The following CUL5 variants were observed in gnomAD, a reference collection of about 807,000 sequenced individuals.
CUL5 encodes the protein cullin-5.
Under a neutral mutation model 108.8 loss-of-function variants are expected in CUL5, and 26 were observed. That is an observed-to-expected ratio of 0.24 (90% CI 0.18 to 0.33). CUL5 has a LOEUF of 0.33. CUL5 is among the 10% of genes least tolerant of loss of function. The probability of loss-of-function intolerance (pLI) is 1.00; values close to 1 mark genes in which losing one functional copy is unlikely to be tolerated. For synonymous variants in CUL5, 334 were observed against 298.0 expected (o/e 1.12, Z -1.25); for missense variants, 524 against 909.2 (o/e 0.58, Z 5.45).
chr11:108,020,088 A>G (rs1862291945), intron 1 of CUL5, among the ~76,000 whole-genome samples: 1 of 152,174 alleles, frequency 6.6e-6, no homozygotes, highest in South Asian at 2.1e-4. Flanking sequence ...CCATGACCCA[A>G]CACTTTTCAT....
intron 15 of CUL5, 122 bp downstream of exon 15, chr11:108,095,109 T>C (rs1864457297): frequency 1.3e-6 from 1 of 794,914 alleles, no homozygotes; most frequent in East Asian, 2.7e-5. Flanking sequence ...TGAGCAGAAA[T>C]AGTGAATTTT....
rs1299231216 is a variant in CUL5 at position 108,073,383 on chromosome 11, T to C, written c.1006-7T>C. ...TAAAAACTTAATGTAAAACCTTTTG[T>C]TTCTAGGACTCTGAGAAATACGTTG... On this transcript the variant is annotated splice_polypyrimidine_tract_variant and splice_region_variant and intron_variant, in intron 9 of 18. Transcript: ENST00000393094. 2.9e-6 allele frequency: 4 copies of C among 1,373,906 alleles called. No homozygotes were observed. Among genetic ancestry groups the C allele is most frequent in the Non-Finnish European group, 3.0e-6 (3 of 984,590 alleles). The allele number at this position is 1,373,906 out of a possible 1,614,324, so 85.1% of individuals were successfully genotyped here.
At chr11:108,082,463 GAC>G (rs1864113413) in intron 11 of CUL5, among the ~76,000 whole-genome samples, 1 of 151,976 alleles carries the variant, frequency 6.6e-6, no homozygotes, top group Admixed American at 6.6e-5. Flanking sequence ...TTTTTGTAGA[GAC>G]AGTCTCTCAC....
At chr11:108,094,669 A>G in intron 14 of CUL5, 143 bp from the exon 15 acceptor site, 1 of 818,480 alleles carries the variant, frequency 1.2e-6, no homozygotes, top group Non-Finnish European at 1.8e-6. Flanking sequence ...TGTTAGATTT[A>G]CAGATCTTTA....
At chr11:108,055,821 G>C (rs1863363407) in intron 7 of CUL5, among the ~76,000 whole-genome samples, 1 of 152,040 alleles carries the variant, frequency 6.6e-6, no homozygotes, top group Non-Finnish European at 1.5e-5. Flanking sequence ...AGTAGAGATG[G>C]GGTTTCACCT....
At chr11:108,025,560 C>T (rs1286565727) in intron 1 of CUL5, among the ~76,000 whole-genome samples, 1 of 152,172 alleles carries the variant, frequency 6.6e-6, no homozygotes, top group Non-Finnish European at 1.5e-5. Context: ...TTTCTGTGGA[C>T]TCTACCCAAT....
intron 1 of CUL5, among the ~76,000 whole-genome samples, chr11:108,024,075 G>T (rs1427552796): frequency 6.6e-6 from 1 of 152,192 alleles, no homozygotes; most frequent in Non-Finnish European, 1.5e-5. Context: ...GCCAAGGGCT[G>T]GATCTGGCCC....
chr11:108,029,216 C>T (rs1420777883), intron 1 of CUL5, among the ~76,000 whole-genome samples: 3 of 150,224 alleles, frequency 2.0e-5, no homozygotes, highest in Non-Finnish European at 4.4e-5. Context: ...ATACCTTTTT[C>T]CAGGTATTCC....
intron 18 of CUL5, 151 bp from the exon 19 acceptor site, chr11:108,104,039 A>C: frequency 1.8e-6 from 1 of 546,802 alleles, no homozygotes; most frequent in Non-Finnish European, 3.2e-6. Flanking sequence ...AGTAAAAGAT[A>C]CTAGTCTCAA....
intron 1 of CUL5, among the ~76,000 whole-genome samples, chr11:108,025,613 CACTA>C (rs1217859857): frequency 1.3e-5 from 2 of 152,218 alleles, no homozygotes; most frequent in African/African-American, 4.8e-5. Flanking sequence ...CTGGTAGCAA[CACTA>C]ACTGTTTCTG....
intron 1 of CUL5, among the ~76,000 whole-genome samples, chr11:108,012,189 GATT>G (rs1331495744): frequency 6.6e-6 from 1 of 152,090 alleles, no homozygotes; most frequent in Non-Finnish European, 1.5e-5. Flanking sequence ...TTCTGTTTTA[GATT>G]ACTTTGAACA....
Position 108,094,383 on chromosome 11 carries a change from A to G in CUL5, c.1444-8A>G. On this transcript the variant is annotated splice_polypyrimidine_tract_variant and splice_region_variant and intron_variant, in intron 13 of 18. Transcript: ENST00000393094. The stretch of plus-strand genomic sequence containing the variant: ...ATTACCTCTTCCTTCTTTGGTTTAT[A>G]TTTATAGGAAGTTGGTATGCCAGCG... The G allele has an allele frequency of 1.3e-6, 2 of 1,570,148 alleles. No homozygotes were observed. Among genetic ancestry groups the G allele is most frequent in the Non-Finnish European group, 1.7e-6 (2 of 1,160,920 alleles).
intron 11 of CUL5, among the ~76,000 whole-genome samples, chr11:108,080,433 A>T (rs547773559): frequency 6.6e-5 from 10 of 151,372 alleles, no homozygotes; most frequent in African/African-American, 2.4e-4. Context: ...GCCTTGCTCT[A>T]TCTCCAGGCT....
At chr11:108,041,026 G>A (rs897907887) in intron 2 of CUL5, among the ~76,000 whole-genome samples, 1 of 152,108 alleles carries the variant, frequency 6.6e-6, no homozygotes, top group Non-Finnish European at 1.5e-5. Context: ...TTTGAGTACG[G>A]CAGGGTTACA....
At chr11:108,090,183 C>T (rs1261398350) in intron 13 of CUL5, among the ~76,000 whole-genome samples, 2 of 151,896 alleles carry the variant, frequency 1.3e-5, no homozygotes, top group African/African-American at 4.8e-5. Flanking sequence ...TTTAAACTGA[C>T]CTTATTAATA....
At chr11:108,048,648 C>CTTTTTTTTTTTTTTTTTTTTTTTTTTTTT (rs200991204) in intron 3 of CUL5, among the ~76,000 whole-genome samples, 15 of 116,862 alleles carry the variant, frequency 1.3e-4, no homozygotes, top group South Asian at 2.7e-4. Flanking sequence ...ACTCCACCAC[C>CTTTTTTTTTTTTTTTTTTTTTTTTTTTTT]TTTTTTTTTT....
At chr11:108,098,560 TA>T in intron 18 of CUL5, 31 bp downstream of exon 18, 2 of 1,421,900 alleles carry the variant, frequency 1.4e-6, no homozygotes, top group Non-Finnish European at 1.8e-6. Flanking sequence ...GTCTGAAGTT[TA>T]AAAAAACTTT....
intron 13 of CUL5, among the ~76,000 whole-genome samples, chr11:108,093,111 T>C (rs1230703709): frequency 6.6e-6 from 1 of 152,166 alleles, no homozygotes; most frequent in Non-Finnish European, 1.5e-5. Flanking sequence ...CCCAGCCAAA[T>C]TGTATACTTT....
At chr11:108,103,184 A>G (rs1378275370) in intron 18 of CUL5, among the ~76,000 whole-genome samples, 1 of 152,252 alleles carries the variant, frequency 6.6e-6, no homozygotes, top group Non-Finnish European at 1.5e-5. Context: ...GATAACTCTT[A>G]TTGTAAACTT....
Sources: allele counts gnomAD v4.1 joint callset (sites outside exome capture counted in the v4.1 genomes callset), GRCh38; gene constraint gnomAD v4.1.1; transcripts MANE v1.5; gene names NCBI Gene and HGNC (gene_info 2026-07-23, HGNC 2026-07-21).